Variants in DOCK7 observed in about 807,000 individuals in gnomAD.
DOCK7 encodes the protein dedicator of cytokinesis protein 7.
DOCK7 carries 138 observed loss-of-function variants against 271.0 expected under a neutral mutation model. The observed-to-expected ratio is 0.51, with a 90% CI of 0.44 to 0.59. DOCK7 has a LOEUF of 0.59. Among genes scored for constraint, DOCK7 ranks in the 20% least tolerant of loss-of-function variants. The pLI is 0.00. For synonymous variants in DOCK7, 823 were observed against 876.1 expected, an observed-to-expected ratio of 0.94 and a Z score of 1.07; for missense variants, 2,066 against 2,592.4, an observed-to-expected ratio of 0.80 and a Z score of 4.41.
At chr1:62,667,367 A>T (rs59734006) in intron 1 of DOCK7, among the ~76,000 whole-genome samples, 2 of 152,234 alleles carry the variant, frequency 1.3e-5, no homozygotes, top group African/African-American at 4.8e-5. Flanking sequence ...TGAAGGGTAA[A>T]GGATATATCA....
At chr1:62,547,123 TA>T (rs1210115283) in intron 22 of DOCK7, among the ~76,000 whole-genome samples, 5 of 152,100 alleles carry the variant, frequency 3.3e-5, no homozygotes, top group South Asian at 2.1e-4. Flanking sequence ...AATATGAGAA[TA>T]AAAAAATCTC....
intron 17 of DOCK7, among the ~76,000 whole-genome samples, chr1:62,578,111 A>G (rs751603345): frequency 6.6e-6 from 1 of 151,998 alleles, no homozygotes; most frequent in Non-Finnish European, 1.5e-5. Flanking sequence ...TTTGGTAGAG[A>G]TGGGGTTATG....
chr1:62,483,399 A>G (rs956612586), intron 43 of DOCK7: 9 of 151,562 alleles, frequency 5.9e-5, no homozygotes, highest in African/African-American at 2.2e-4. Flanking sequence ...TATGGGATAT[A>G]TTATCAGGTG....
At chr1:62,544,875 T>C (rs1645650683) in intron 23 of DOCK7, 72 bp downstream of exon 23, 2 of 1,190,868 alleles carry the variant, frequency 1.7e-6, no homozygotes, top group Non-Finnish European at 1.2e-6. Flanking sequence ...GAAATCATAG[T>C]ATATACTAAA....
At chr1:62,616,209 C>T (rs1470998481) in intron 14 of DOCK7, among the ~76,000 whole-genome samples, 1 of 151,680 alleles carries the variant, frequency 6.6e-6, no homozygotes, top group African/African-American at 2.4e-5. Context: ...CAACGTGCTG[C>T]CTTATTTGGC....
intron 1 of DOCK7, among the ~76,000 whole-genome samples, chr1:62,677,893 G>T (rs1222298362): frequency 6.7e-6 from 1 of 148,352 alleles, no homozygotes; most frequent in Non-Finnish European, 1.5e-5. Flanking sequence ...CATTTTGGGA[G>T]GCCAAGGTGG....
intron 14 of DOCK7, chr1:62,604,780 T>G: frequency 6.2e-7 from 1 of 1,613,058 alleles, no homozygotes; most frequent in Non-Finnish European, 8.5e-7. Context: ...TCAACCAAAA[T>G]GTTGATCCAT....
chr1:62,654,119 T>C lies in DOCK7; in HGVS notation c.185A>G (p.Asp62Gly). The C allele has an allele frequency of 6.2e-6, 10 of 1,613,914 alleles. No homozygotes were observed. The highest frequency in any genetic ancestry group is 8.5e-6 in the Non-Finnish European group (10 of 1,179,890). ...AGCCAAAGGATGAGTAATGAGGTAA[T>C]CTTCCAAATCCACTGGATCTACTGC... is the stretch of plus-strand genomic sequence containing the variant. Reference protein sequence around the residue: ...TEAVDPVDLEDYLITHPLAVD... With the variant: ...TEAVDPVDLEGYLITHPLAVD... The change falls in exon 3 of 50, where the codon GAT becomes GGT. Residue 62 changes from aspartate (D) to glycine (G), a missense_variant. Coordinates refer to ENST00000635253, the MANE Select transcript of DOCK7 (RefSeq NM_001367561.1).
chr1:62,499,557 GGAAACAAATATTTCCTCTAAGTAA>G (rs529070924), intron 37 of DOCK7, among the ~76,000 whole-genome samples: 219 of 152,102 alleles, frequency 1.4e-3, no homozygotes, highest in African/African-American at 4.9e-3. Flanking sequence ...AACTAATGAG[GGAAACAAATATTTCCTCTAAGTAA>G]GAAACTTAGC....
chr1:62,649,308 TTA>T (rs1657054588), intron 4 of DOCK7, among the ~76,000 whole-genome samples: 1 of 152,168 alleles, frequency 6.6e-6, no homozygotes, highest in African/African-American at 2.4e-5. Flanking sequence ...ATCACCCAAT[TTA>T]TGAGACAGTA....
Position 62,546,034 on chromosome 1 carries a change from G to A in DOCK7, c.2767-995C>T, listed in dbSNP as rs148699815. On this transcript the variant is annotated intron_variant, in intron 22 of 49. Coordinates refer to ENST00000635253, the MANE Select transcript of DOCK7 (RefSeq NM_001367561.1). ...TAGGGTAAGAATAGCAAAGACAATCGAAGACAAGCTGATGTAAACATATCA... is the reference window on the plus strand; with the variant it reads ...TAGGGTAAGAATAGCAAAGACAATCAAAGACAAGCTGATGTAAACATATCA... Among the ~76,000 whole-genome samples, 423 of 152,204 alleles carry A rather than the reference G, an allele frequency of 2.8e-3. 2 individuals are homozygous for A. Among genetic ancestry groups the A allele is most frequent in the African/African-American group, 9.7e-3 (403 of 41,544 alleles).
At position 62,496,392 on chromosome 1, in the gene DOCK7, A is replaced by G; in HGVS notation, c.4870T>C (p.Leu1624=). The G allele has an allele frequency of 6.2e-7, 1 of 1,613,648 alleles. No homozygotes were observed. The highest frequency in any genetic ancestry group is 8.5e-7 in the Non-Finnish European group (1 of 1,179,714). Residue 1624 remains leucine (L), a synonymous_variant, in exon 38 of 50, where the codon TTG becomes CTG. Coordinates refer to ENST00000635253, the MANE Select transcript of DOCK7 (RefSeq NM_001367561.1). The part of the protein sequence containing the change: ...EFLRRSLKTI[L]TYAEEDLELR... ...TCCAGATCTTCTTCAGCATATGTCAATATAGTCTTTAGAGAACGTCTTAAG... is the reference window on the plus strand; with the variant it reads ...TCCAGATCTTCTTCAGCATATGTCAGTATAGTCTTTAGAGAACGTCTTAAG...
Position 62,456,718 on chromosome 1 carries a change from G to A in DOCK7, c.6380+820C>T, listed in dbSNP as rs150623469. On this transcript the variant is annotated intron_variant, in intron 49 of 49. Coordinates refer to ENST00000635253, the MANE Select transcript of DOCK7 (RefSeq NM_001367561.1). ...GTTTCCATGGAGATCTGAAGGAACT[G>A]AGATGAGGATTAGGCCTATCTCAGG... Among the ~76,000 whole-genome samples, 865 of 152,172 alleles carry A rather than the reference G, an allele frequency of 5.7e-3. 6 individuals carry two copies. Among genetic ancestry groups the A allele is most frequent in the African/African-American group, 0.02 (815 of 41,500 alleles).
chr1:62,607,855 G>A (rs1469038785), intron 14 of DOCK7: 1 of 152,134 alleles, frequency 6.6e-6, no homozygotes, highest in African/African-American at 2.4e-5. Flanking sequence ...GCCGGGGCGG[G>A]AGTACTGCTT....
In DOCK7 at chr1:62,513,472, G is replaced by A. The variant is rs376472281; in HGVS notation, c.4254C>T (p.Leu1418=). 28 of 1,612,542 alleles carry A rather than the reference G, an allele frequency of 1.7e-5. No homozygotes were observed. Among genetic ancestry groups the A allele is most frequent in the African/African-American group, 9.4e-5 (7 of 74,784 alleles). The change falls in exon 33 of 50, where the codon CTC becomes CTT. Residue 1418 remains leucine, a synonymous_variant. Transcript: ENST00000635253. The part of the protein sequence containing the change: ...QEMVRRSRGQ[L]GTYTIASPPE... The stretch of plus-strand genomic sequence containing the variant: ...GAGGAGAAGCTATTGTGTACGTACC[G>A]AGCTGTCCTCGGCTTCGCCGTACCA...
chr1:62,611,497 T>G (rs553979019), intron 14 of DOCK7, among the ~76,000 whole-genome samples: 22 of 152,312 alleles, frequency 1.4e-4, no homozygotes, highest in African/African-American at 5.1e-4. Flanking sequence ...TTTAAGATTT[T>G]GGATTTTCAG....
At chr1:62,583,366 A>G (rs1245435140) in intron 15 of DOCK7, 112 bp from the exon 16 acceptor site, 2 of 895,614 alleles carry the variant, frequency 2.2e-6, no homozygotes, top group Admixed American at 2.0e-5. Flanking sequence ...GGGCAAAATC[A>G]GCCCAATGAA....
intron 7 of DOCK7, among the ~76,000 whole-genome samples, chr1:62,643,688 C>G (rs947547285): frequency 9.2e-5 from 14 of 152,128 alleles, no homozygotes; most frequent in African/African-American, 3.4e-4. Context: ...CAATTGTCAG[C>G]CATTATCTCT....
Position 62,477,814 on chromosome 1 carries a change from GC to G in DOCK7, c.5519del (p.Gly1840AlafsTer28). ...HQSTGWERMF[G>X]TYFRVGFYGT... ...CATAAAAACCAACACGAAAATAGGT[GC>G]CAAACATCCGCTTACCATCCTAGGT... On this transcript the variant is annotated frameshift_variant, in exon 44 of 50. Coordinates refer to ENST00000635253, the MANE Select transcript of DOCK7 (RefSeq NM_001367561.1). LOFTEE classifies it high-confidence loss of function. 2 of 1,607,066 alleles carry G rather than the reference GC, an allele frequency of 1.2e-6. No individual in the cohort carries two copies. The highest frequency in any genetic ancestry group is 1.7e-6 in the Non-Finnish European group (2 of 1,177,726).
Sources: allele counts gnomAD v4.1 joint callset (sites outside exome capture counted in the v4.1 genomes callset), GRCh38; gene constraint gnomAD v4.1.1; transcripts MANE v1.5; gene names NCBI Gene and HGNC (gene_info 2026-07-23, HGNC 2026-07-21).